DLGAP1: variants seen among roughly 807,000 people sequenced by gnomAD.
The protein encoded by DLGAP1 is disks large-associated protein 1.
Under a neutral mutation model 90.8 loss-of-function variants are expected in DLGAP1, and 11 were observed. The observed-to-expected ratio is 0.12, with a 90% CI of 0.08 to 0.20. DLGAP1 has a LOEUF of 0.20. DLGAP1 is among the 10% of genes least tolerant of loss of function. DLGAP1 has a pLI of 1.00. For missense variants in DLGAP1, 1,050 were observed against 1,333.8 expected, an observed-to-expected ratio of 0.79 and a Z score of 3.31; for synonymous variants, 558 against 540.7, an observed-to-expected ratio of 1.03 and a Z score of -0.44.
At chr18:4,305,145 C>G (rs2080218366) in intron 1 of DLGAP1, among the ~76,000 whole-genome samples, 1 of 152,020 alleles carries the variant, frequency 6.6e-6, no homozygotes, top group African/African-American at 2.4e-5. Flanking sequence ...ACCCTGAGTT[C>G]AAAACTCCTA....
At position 4,438,358 on chromosome 18, in the gene DLGAP1, G is replaced by A. The variant is rs117173757; in HGVS notation, c.-267+16648C>T. On this transcript the variant is annotated intron_variant, in intron 1 of 12. Transcript: ENST00000315677. ...CACATTTCAGAATGGTGTGAACCCG[G>A]GAGGTGGAGCTTGCAGTGAGCCGAG... Among the ~76,000 whole-genome samples, 30 of 148,650 alleles carry A rather than the reference G, an allele frequency of 2.0e-4. No individual in the cohort carries two copies. The East Asian group carries it at 3.6e-3, about 18-fold the overall frequency.
intron 7 of DLGAP1, among the ~76,000 whole-genome samples, chr18:3,667,834 T>C (rs796849402): frequency 5.3e-5 from 8 of 152,248 alleles, no homozygotes; most frequent in African/African-American, 1.9e-4. Context: ...TGGCCCAGGT[T>C]CCTCTAGAAT....
At chr18:3,608,462 C>T (rs1453697602) in intron 7 of DLGAP1, 2 of 152,196 alleles carry the variant, frequency 1.3e-5, no homozygotes, top group African/African-American at 4.8e-5. Flanking sequence ...ATTTTGCCAT[C>T]TTAGTCACTT....
intron 1 of DLGAP1, among the ~76,000 whole-genome samples, chr18:4,334,620 A>G (rs947354419): frequency 6.6e-6 from 1 of 151,820 alleles, no homozygotes; most frequent in Non-Finnish European, 1.5e-5. Flanking sequence ...GAACTTTTGC[A>G]TTCTACTGAG....
At chr18:3,519,783 C>T (rs532885132) in intron 10 of DLGAP1, among the ~76,000 whole-genome samples, 2 of 152,304 alleles carry the variant, frequency 1.3e-5, no homozygotes, top group East Asian at 3.9e-4. Flanking sequence ...CAGGCCTCAT[C>T]TTGGAAGCAG....
chr18:3,750,835 C>A (rs937570149), intron 5 of DLGAP1, among the ~76,000 whole-genome samples: 2 of 152,202 alleles, frequency 1.3e-5, no homozygotes, highest in African/African-American at 4.8e-5. Flanking sequence ...GCTCTCCTTC[C>A]TCTGCTTTCC....
intron 1 of DLGAP1, among the ~76,000 whole-genome samples, chr18:4,327,009 T>G (rs895395321): frequency 6.6e-6 from 1 of 152,066 alleles, no homozygotes; most frequent in South Asian, 2.1e-4. Flanking sequence ...AAAGTCACAT[T>G]TATAGAAATA....
intron 7 of DLGAP1, among the ~76,000 whole-genome samples, chr18:3,704,227 G>T (rs2061367573): frequency 6.6e-6 from 1 of 152,174 alleles, no homozygotes; most frequent in Admixed American, 6.5e-5. Flanking sequence ...TAGAGACCAT[G>T]CTTCCTTTCA....
intron 5 of DLGAP1, among the ~76,000 whole-genome samples, chr18:3,772,403 TCTTTCTCTTTCTTTCTTTCCTTCCTTC>T (rs2064711111): frequency 2.2e-5 from 1 of 46,114 alleles, no homozygotes; most frequent in African/African-American, 6.0e-5. Flanking sequence ...TTTCTTTCTT[TCTTTCTCTTTCTTTCTTTCCTTCCTTC>T]CTCCCTCCCT....
chr18:4,003,865 G>A (rs1203485883), intron 3 of DLGAP1, among the ~76,000 whole-genome samples: 1 of 152,188 alleles, frequency 6.6e-6, no homozygotes, highest in African/African-American at 2.4e-5. Context: ...TGCAGCCTCA[G>A]GCTCTAAGGA....
intron 8 of DLGAP1, among the ~76,000 whole-genome samples, chr18:3,578,462 T>C (rs1479162035): frequency 4.6e-5 from 7 of 151,904 alleles, no homozygotes; most frequent in Non-Finnish European, 7.4e-5. Context: ...GTTCAAGTGA[T>C]TCTCCTGCCT....
At chr18:4,050,328 G>A (rs796507099) in intron 2 of DLGAP1, among the ~76,000 whole-genome samples, 36 of 152,236 alleles carry the variant, frequency 2.4e-4, no homozygotes, top group African/African-American at 7.9e-4. Flanking sequence ...ACATATTTAC[G>A]TAATAATCCC....
intron 7 of DLGAP1, among the ~76,000 whole-genome samples, chr18:3,582,487 G>A (rs182521883): frequency 6.6e-6 from 1 of 152,136 alleles, no homozygotes; most frequent in East Asian, 1.9e-4. Flanking sequence ...TCTCTGAAAT[G>A]GAAGTTTCTA....
chr18:3,758,025 G>T (rs2063789822), intron 5 of DLGAP1, among the ~76,000 whole-genome samples: 1 of 149,634 alleles, frequency 6.7e-6, no homozygotes, highest in Non-Finnish European at 1.5e-5. Flanking sequence ...CTGAGGCAGA[G>T]AATTGCTTGA....
chr18:3,871,065 A>T (rs2070721970), intron 4 of DLGAP1, among the ~76,000 whole-genome samples: 1 of 152,178 alleles, frequency 6.6e-6, no homozygotes, highest in Non-Finnish European at 1.5e-5. Context: ...CCATTGCCTT[A>T]AAAGGATGTT....
In DLGAP1 at chr18:4,194,206, G is replaced by A. The variant is rs112745652; in HGVS notation, c.-266-42919C>T. Among the ~76,000 whole-genome samples, 548 of 152,182 alleles carry A rather than the reference G, an allele frequency of 3.6e-3. 5 individuals are homozygous for A. Among genetic ancestry groups the A allele is most frequent in the African/African-American group, 0.012 (518 of 41,510 alleles). On this transcript the variant is annotated intron_variant, in intron 1 of 12. Transcript: ENST00000315677. ...CAGGGACTACTGTCGTCACCTTTATGCCCATGAGTACCCAATGTTTAGCTT... is the reference window on the plus strand; with the variant it reads ...CAGGGACTACTGTCGTCACCTTTATACCCATGAGTACCCAATGTTTAGCTT...
chr18:3,849,443 TTTG>T (rs2069210468), intron 4 of DLGAP1, among the ~76,000 whole-genome samples: 1 of 152,074 alleles, frequency 6.6e-6, no homozygotes, highest in African/African-American at 2.4e-5. Flanking sequence ...AAATAAACAC[TTTG>T]AGATCAAGGA....
intron 10 of DLGAP1, among the ~76,000 whole-genome samples, chr18:3,516,454 C>CTA (rs1199440518): frequency 1.3e-5 from 2 of 152,130 alleles, no homozygotes; most frequent in Non-Finnish European, 2.9e-5. Flanking sequence ...GACTCACTAT[C>CTA]TATGGCAGAT....
At position 3,879,707 on chromosome 18, in the gene DLGAP1, A is replaced by G; in HGVS notation, c.362T>C (p.Leu121Pro). The change falls in exon 4 of 13, where the codon CTG (leucine) becomes CCG (proline). Residue 121 changes from leucine to proline, a missense_variant. By Grantham distance (98) the Leu-to-Pro change is moderately conservative. Coordinates refer to ENST00000315677, the MANE Select transcript of DLGAP1 (RefSeq NM_004746.4). This position sits in a 1 kb window ranked among gnomAD's most constrained non-coding sequence, Gnocchi z 6.6. The part of the protein sequence containing the change: ...LPLSRDGYHT[L>P]QYKRTAVEHR... The stretch of plus-strand genomic sequence containing the variant: ...CTCCACGGCCGTGCGCTTGTACTGC[A>G]GGGTGTGATAGCCATCGCGGCTGAG... 6.2e-7 allele frequency: 1 copy of G among 1,608,608 alleles called. No homozygotes were observed.
Sources: allele counts gnomAD v4.1 joint callset (sites outside exome capture counted in the v4.1 genomes callset), GRCh38; gene constraint gnomAD v4.1.1; non-coding constraint Gnocchi (gnomAD v3.1); transcripts MANE v1.5; gene names NCBI Gene and HGNC (gene_info 2026-07-23, HGNC 2026-07-21).